The following TSKS variants were observed in gnomAD, a reference collection of about 807,000 sequenced individuals.
TSKS encodes the protein testis specific serine kinase substrate.
A neutral mutation model predicts 68.0 loss-of-function variants in TSKS; 27 were observed. That is an observed-to-expected ratio of 0.40 (90% CI 0.29 to 0.55). TSKS has a LOEUF of 0.55. Among genes scored for constraint, TSKS ranks in the 20% least tolerant of loss-of-function variants. The pLI is 0.53. For synonymous variants in TSKS, 331 were observed against 340.4 expected (o/e 0.97, Z 0.30); for missense variants, 806 against 776.0 (o/e 1.04, Z -0.46).
rs563529786 is a variant in TSKS at position 49,763,139 on chromosome 19, G to A, written c.109C>T (p.Arg37Trp). The A allele has an allele frequency of 6.8e-6, 11 of 1,611,284 alleles. No individual in the cohort carries two copies. The highest frequency in any genetic ancestry group is 5.5e-5 in the South Asian group (5 of 90,808). ...CCCTTGGCCCGGCTGGTCACCCTCC[G>A]GGGAGCCTCTGGGACTAGCTGGGAG... The part of the protein sequence containing the change: ...SCSQLVPEAP[R>W]RVTSRAKGIP... Residue 37 changes from arginine (R) to tryptophan (W), a missense_variant, in exon 1 of 11, where the codon CGG (arginine) becomes TGG (tryptophan). Coordinates refer to ENST00000246801, the MANE Select transcript of TSKS (RefSeq NM_021733.2). This position sits in a 1 kb window ranked among gnomAD's most constrained non-coding sequence, Gnocchi z 4.5.
At chr19:49,755,824 A>C (rs2084388122) in intron 2 of TSKS, among the ~76,000 whole-genome samples, 1 of 152,110 alleles carries the variant, frequency 6.6e-6, no homozygotes, top group Non-Finnish European at 1.5e-5. Context: ...AAGATGGTGA[A>C]ACCCTGTCTC....
At chr19:49,741,134 C>T (rs967299340) in intron 9 of TSKS, among the ~76,000 whole-genome samples, 1 of 152,154 alleles carries the variant, frequency 6.6e-6, no homozygotes, top group Middle Eastern at 3.4e-3. Flanking sequence ...GCCGAGATTG[C>T]GCCACTGCAC....
At chr19:49,741,608 C>T (rs950701259) in intron 9 of TSKS, among the ~76,000 whole-genome samples, 6 of 152,164 alleles carry the variant, frequency 3.9e-5, no homozygotes, top group African/African-American at 7.2e-5. Flanking sequence ...GTGTCTGTCT[C>T]GTGTCCCACA....
Position 49,741,877 on chromosome 19 carries a change from C to A in TSKS, c.1497+8G>T. The A allele has an allele frequency of 6.2e-7, 1 of 1,614,170 alleles. No homozygotes were observed. Among genetic ancestry groups the A allele is most frequent in the Non-Finnish European group, 8.5e-7 (1 of 1,180,036 alleles). Reference sequence around the variant, plus strand: ...AAGTGGGACATGGTGGCCCATATTCCCTGGTACCAGAATCTTCTTGTGTAG... The same window carrying A: ...AAGTGGGACATGGTGGCCCATATTCACTGGTACCAGAATCTTCTTGTGTAG... On this transcript the variant is annotated splice_region_variant and intron_variant, in intron 9 of 10. Coordinates refer to ENST00000246801, the MANE Select transcript of TSKS (RefSeq NM_021733.2).
intron 7 of TSKS, 25 bp downstream of exon 7, chr19:49,745,177 C>T (rs1040257368): frequency 1.3e-6 from 2 of 1,554,210 alleles, no homozygotes; most frequent in Non-Finnish European, 1.7e-6. Flanking sequence ...TTCCGGTCTT[C>T]CCATGCACTG....
rs557320022 is a variant in TSKS, at chr19:49,744,425, G to A, written c.1188-21C>T. The A allele has an allele frequency of 3.7e-6, 6 of 1,605,048 alleles. No individual in the cohort carries two copies. In the East Asian group the frequency reaches 6.7e-5, roughly 18 times the overall value. On this transcript the variant is annotated intron_variant, in intron 7 of 10. Coordinates refer to ENST00000246801, the MANE Select transcript of TSKS (RefSeq NM_021733.2). Reference sequence around the variant, plus strand: ...CCACCCTGAGGCATGAGTAACCAGTGCTGCTGGGTCGTCTCTTCAGCGGTA... The same window carrying A: ...CCACCCTGAGGCATGAGTAACCAGTACTGCTGGGTCGTCTCTTCAGCGGTA...
chr19:49,741,947 C>T lies in TSKS; in HGVS notation c.1435G>A (p.Val479Met). Residue 479 changes from valine to methionine, a missense_variant, in exon 9 of 11, where the codon GTG becomes ATG. By Grantham distance (21) the Val-to-Met change is conservative. Transcript: ENST00000246801. ...GCAGGAGTCAGGCCCCTCTGCTTCACCTCGTCCACTAGTGAGGTCAGTGCT... is the reference window on the plus strand; with the variant it reads ...GCAGGAGTCAGGCCCCTCTGCTTCATCTCGTCCACTAGTGAGGTCAGTGCT... ...DRALTSLVDE[V>M]KQRGLTPACP... The T allele has an allele frequency of 6.2e-7, 1 of 1,614,196 alleles. No homozygotes were observed. Among genetic ancestry groups the T allele is most frequent in the Non-Finnish European group, 8.5e-7 (1 of 1,180,036 alleles).
rs1235780979 is a variant in TSKS, at chr19:49,745,237, C to T, written c.1152G>A (p.Gln384=). The T allele has an allele frequency of 1.2e-6, 2 of 1,607,062 alleles. No homozygotes were observed. The highest frequency in any genetic ancestry group is 2.2e-5 in the East Asian group (1 of 44,780). Residue 384 remains glutamine (Q), a synonymous_variant, in exon 7 of 11, where the codon CAG becomes CAA. Coordinates refer to ENST00000246801, the MANE Select transcript of TSKS (RefSeq NM_021733.2). ...GCTCATCCGCCCGACCTCGCAGCTCCTGCAAGTCCCGCGCCGTCTGTGCCT... is the reference window on the plus strand; with the variant it reads ...GCTCATCCGCCCGACCTCGCAGCTCTTGCAAGTCCCGCGCCGTCTGTGCCT... ...REQAQTARDL[Q]ELRGRADELC...
intron 9 of TSKS, 83 bp downstream of exon 9, chr19:49,741,802 C>A: frequency 6.3e-7 from 1 of 1,587,138 alleles, no homozygotes; most frequent in Non-Finnish European, 8.6e-7. Flanking sequence ...CACACACCAG[C>A]AGTACCCTTG....
rs2123607413 is a variant in TSKS at position 49,746,463 on chromosome 19, C to T, written c.992+7G>A. On this transcript the variant is annotated splice_region_variant and intron_variant, in intron 6 of 10. Transcript: ENST00000246801. Reference sequence around the variant, plus strand: ...TTTTCGAGGCTCCGCCCCTAGGTCCCGCCCACCTCAGCTCTTCGATGCCGG... The same window carrying T: ...TTTTCGAGGCTCCGCCCCTAGGTCCTGCCCACCTCAGCTCTTCGATGCCGG... 1.2e-6 allele frequency: 2 copies of T among 1,613,786 alleles called. 1 individual carries two copies. Among genetic ancestry groups the T allele is most frequent in the Non-Finnish European group, 1.7e-6 (2 of 1,179,886 alleles).
At chr19:49,748,305 A>G in intron 3 of TSKS, 69 bp downstream of exon 3, 3 of 1,577,024 alleles carry the variant, frequency 1.9e-6, no homozygotes, top group Non-Finnish European at 2.6e-6. Context: ...ATTCTGCTGG[A>G]GGCAGGCTCC....
Position 49,746,723 on chromosome 19 carries a change from C to T in TSKS, c.739G>A (p.Glu247Lys), listed in dbSNP as rs757935685. The change falls in exon 6 of 11, where the codon GAG (glutamate) becomes AAG (lysine). Residue 247 changes from glutamate to lysine, a missense_variant. Coordinates refer to ENST00000246801, the MANE Select transcript of TSKS (RefSeq NM_021733.2). The stretch of plus-strand genomic sequence containing the variant: ...TTCTCCTCCGGCTCCTGCTTCTCCT[C>T]CGGCTCCTGCAGCTCGGCCTCCTGC... ...RRQEAELQEP[E>K]EKQEPEEKQE... The T allele has an allele frequency of 1.2e-6, 2 of 1,602,406 alleles. No homozygotes were observed. Among genetic ancestry groups the T allele is most frequent in the Admixed American group, 3.3e-5 (2 of 59,780 alleles).
At position 49,745,189 on chromosome 19, in the gene TSKS, C is replaced by T. The variant is rs767416799; in HGVS notation, c.1187+13G>A. 8 of 1,569,092 alleles carry T rather than the reference C, an allele frequency of 5.1e-6. No homozygotes were observed. The highest frequency in any genetic ancestry group is 6.9e-6 in the Non-Finnish European group (8 of 1,152,848). ...CCCTTCCGGTCTTCCCATGCACTGG[C>T]CCCAATCCTCACATGGTGCACAGCT... On this transcript the variant is annotated intron_variant, in intron 7 of 10. Coordinates refer to ENST00000246801, the MANE Select transcript of TSKS (RefSeq NM_021733.2).
At chr19:49,746,123 C>T (rs2084296901) in intron 6 of TSKS, among the ~76,000 whole-genome samples, 2 of 152,086 alleles carry the variant, frequency 1.3e-5, no homozygotes, top group African/African-American at 4.8e-5. Context: ...GCGGAGCTTG[C>T]AGTGAGCCAA....
chr19:49,740,191 G>A lies in TSKS; in HGVS notation c.1498-8C>T, dbSNP rs762519337. The A allele has an allele frequency of 2.5e-6, 4 of 1,609,828 alleles. No homozygotes were observed. The East Asian group carries it at 8.9e-5, about 36-fold the overall frequency. On this transcript the variant is annotated splice_region_variant and splice_polypyrimidine_tract_variant and intron_variant, in intron 9 of 10. Transcript: ENST00000246801. ...GGCCTGGCGCTCCAGCTCCTGGGGA[G>A]AGGAGCGTAGGCGTAGCTGGGCTTG...
At chr19:49,743,749 C>T (rs1909128457) in intron 8 of TSKS, among the ~76,000 whole-genome samples, 1 of 151,948 alleles carries the variant, frequency 6.6e-6, no homozygotes, top group Non-Finnish European at 1.5e-5. Context: ...ATCTGCCTGC[C>T]TTGGCCTCCC....
intron 7 of TSKS, among the ~76,000 whole-genome samples, 164 bp downstream of exon 7, chr19:49,745,038 A>T (rs1339811211): frequency 6.6e-6 from 1 of 152,130 alleles, no homozygotes. Flanking sequence ...ATTAGGGCTG[A>T]TGCAACCCTT....
At position 49,746,646 on chromosome 19, in the gene TSKS, G is replaced by T; in HGVS notation, c.816C>A (p.Ser272Arg). ...CCTGGGACGTGGCGGCGGGGCCCAG[G>T]CTGTTCCAGGAGAGGCCAGCCTCCG... ...QKPEAGLSWN[S>R]LGPAATSQGC... is the part of the protein sequence containing the mutation. Residue 272 changes from serine (S) to arginine (R), a missense_variant, in exon 6 of 11, where the codon AGC (serine) becomes AGA (arginine). Transcript: ENST00000246801. 1 of 1,608,240 alleles carries T rather than the reference G, an allele frequency of 6.2e-7. No homozygotes were observed. Among genetic ancestry groups the T allele is most frequent in the Non-Finnish European group, 8.5e-7 (1 of 1,179,546 alleles).
chr19:49,750,664 G>A (rs1450907204), intron 2 of TSKS, among the ~76,000 whole-genome samples: 2 of 152,110 alleles, frequency 1.3e-5, no homozygotes, highest in African/African-American at 2.4e-5. Context: ...GGCACTGGTC[G>A]ATGTGTGGAA....
Sources: allele counts gnomAD v4.1 joint callset (sites outside exome capture counted in the v4.1 genomes callset), GRCh38; gene constraint gnomAD v4.1.1; non-coding constraint Gnocchi (gnomAD v3.1); transcripts MANE v1.5; gene names NCBI Gene and HGNC (gene_info 2026-07-23, HGNC 2026-07-21).